Variants in OTOGL observed in about 807,000 individuals in gnomAD.
OTOGL encodes otogelin like, also known as otogelin-like protein.
Under a neutral mutation model 318.5 loss-of-function variants are expected in OTOGL, and 285 were observed. That is an observed-to-expected ratio of 0.89 (90% CI 0.81 to 0.99). OTOGL has a LOEUF of 0.99. Among genes scored for constraint, OTOGL ranks in the 50% least tolerant of loss-of-function variants. The pLI is 0.00. For synonymous variants in OTOGL, 987 were observed against 936.5 expected, an observed-to-expected ratio of 1.05 and a Z score of -0.99; for missense variants, 2,899 against 2,845.6, an observed-to-expected ratio of 1.02 and a Z score of -0.43.
chr12:80,123,338 C>G (rs1870603445), intron 1 of OTOGL, among the ~76,000 whole-genome samples: 2 of 152,122 alleles, frequency 1.3e-5, no homozygotes, highest in African/African-American at 4.8e-5. Flanking sequence ...CCAGCATCAT[C>G]CATGTTTGTA....
chr12:80,200,444 A>G (rs56711037), intron 1 of OTOGL, among the ~76,000 whole-genome samples: 7,646 of 152,316 alleles, frequency 0.05, 631 homozygotes, highest in African/African-American at 0.18. Context: ...TTCATCTTCA[A>G]AGCTATTGTA....
chr12:80,229,164 T>C, intron 7 of OTOGL, 93 bp from the exon 8 acceptor site: 26 of 1,395,738 alleles, frequency 1.9e-5, no homozygotes, highest in Non-Finnish European at 2.5e-5. Context: ...ATGGGACTAA[T>C]GAAACTATAT....
At chr12:80,324,342 A>G (rs1887545704) in intron 35 of OTOGL, among the ~76,000 whole-genome samples, 2 of 152,152 alleles carry the variant, frequency 1.3e-5, no homozygotes, top group Admixed American at 6.5e-5. Context: ...CTTTAATTTG[A>G]GAACAGTGCA....
intron 24 of OTOGL, 135 bp from the exon 25 acceptor site, chr12:80,278,033 C>T (rs1016685490): frequency 1.3e-5 from 8 of 639,492 alleles, no homozygotes; most frequent in Admixed American, 5.6e-5. Context: ...GATTCATCTC[C>T]TCAGTAGGTT....
chr12:80,127,051 G>A (rs7973166), intron 1 of OTOGL, among the ~76,000 whole-genome samples: 81,685 of 151,900 alleles, frequency 0.54, 22,137 homozygotes, highest in Middle Eastern at 0.58. Flanking sequence ...ATTTAAGGTT[G>A]ATATTGTTAT....
At chr12:80,151,995 A>G (rs537244176) in intron 1 of OTOGL, among the ~76,000 whole-genome samples, 1 of 152,298 alleles carries the variant, frequency 6.6e-6, no homozygotes, top group South Asian at 2.1e-4. Flanking sequence ...TTAAGGTCAG[A>G]GAAGTCAAAT....
chr12:80,346,853 G>A (rs373720324), intron 44 of OTOGL, among the ~76,000 whole-genome samples: 2 of 152,196 alleles, frequency 1.3e-5, no homozygotes, highest in African/African-American at 4.8e-5. Context: ...TGCTAAGGGA[G>A]GGTGAGCATT....
chr12:80,300,425 A>G (rs1328289262), intron 27 of OTOGL, among the ~76,000 whole-genome samples: 1 of 152,148 alleles, frequency 6.6e-6, no homozygotes, highest in Non-Finnish European at 1.5e-5. Flanking sequence ...GCATCTGAGA[A>G]TCAATCCAGG....
chr12:80,354,946 A>G (rs1889776067), intron 46 of OTOGL, among the ~76,000 whole-genome samples: 1 of 152,160 alleles, frequency 6.6e-6, no homozygotes, highest in Non-Finnish European at 1.5e-5. Context: ...TTTAGATTTT[A>G]AAGCAGAAAT....
At position 80,196,607 on chromosome 12, in the gene OTOGL, C is replaced by G. The variant is rs540622563; in HGVS notation, c.-19-12806C>G. On this transcript the variant is annotated intron_variant, in intron 1 of 58. Transcript: ENST00000547103. Reference sequence around the variant, plus strand: ...GAGACTGGTTCTTCCACCTGGACATCGTTCCCCGGAGGCATGTTGGTCTCT... The same window carrying G: ...GAGACTGGTTCTTCCACCTGGACATGGTTCCCCGGAGGCATGTTGGTCTCT... 2.4e-4 allele frequency among the ~76,000 whole-genome samples: 37 copies of G among 152,202 alleles called. No individual in the cohort carries two copies. The South Asian group carries it at 6.6e-3, about 27-fold the overall frequency.
intron 55 of OTOGL, 74 bp downstream of exon 55, chr12:80,368,383 T>TCCCC (rs57527553): frequency 3.0e-5 from 21 of 709,438 alleles, no homozygotes; most frequent in African/African-American, 1.0e-4. Flanking sequence ...TTGGAAAATG[T>TCCCC]CCCCCCCCAC....
rs1278226317 is a variant in OTOGL at position 80,358,277 on chromosome 12, C to T, written c.6049C>T (p.Leu2017=). 3 of 1,612,034 alleles carry T rather than the reference C, an allele frequency of 1.9e-6. No individual in the cohort carries two copies. The African/African-American group carries it at 4.0e-5, about 22-fold the overall frequency. The change falls in exon 50 of 59, where the codon CTA becomes TTA. Residue 2017 remains leucine, a synonymous_variant. Coordinates refer to ENST00000547103, the MANE Select transcript of OTOGL (RefSeq NM_001378609.3). ...TGAATCTTGCACCAAACCTGTTCCACTATGTCATGATGGGGAATTTCTCAC... is the reference window on the plus strand; with the variant it reads ...TGAATCTTGCACCAAACCTGTTCCATTATGTCATGATGGGGAATTTCTCAC... ...VCESCTKPVP[L]CHDGEFLTVD...
At chr12:80,333,206 TA>T in intron 38 of OTOGL, 128 bp downstream of exon 38, 1 of 698,790 alleles carries the variant, frequency 1.4e-6, no homozygotes, top group African/African-American at 1.8e-5. Flanking sequence ...TGCTAAAAGA[TA>T]TTAAGAAATA....
At chr12:80,148,016 C>T (rs1000208555) in intron 1 of OTOGL, among the ~76,000 whole-genome samples, 1 of 152,102 alleles carries the variant, frequency 6.6e-6, no homozygotes, top group Non-Finnish European at 1.5e-5. Flanking sequence ...TCCAATTTCC[C>T]AGTCTGTGTC....
chr12:80,294,231 A>ATTG (rs1394943439), intron 26 of OTOGL, among the ~76,000 whole-genome samples: 1 of 152,014 alleles, frequency 6.6e-6, no homozygotes, highest in Non-Finnish European at 1.5e-5. Context: ...GTGTATTGCT[A>ATTG]TTGTTACAAA....
chr12:80,213,927 G>A (rs143208286), intron 4 of OTOGL, among the ~76,000 whole-genome samples: 2 of 152,310 alleles, frequency 1.3e-5, no homozygotes, highest in African/African-American at 4.8e-5. Context: ...GTAGATAAGT[G>A]CGCAAATAAG....
chr12:80,140,820 C>T (rs1025926298), intron 1 of OTOGL, among the ~76,000 whole-genome samples: 4 of 152,130 alleles, frequency 2.6e-5, no homozygotes, highest in Non-Finnish European at 4.4e-5. Context: ...ATGTGAATTT[C>T]TGACTAAGAG....
At chr12:80,114,573 A>G (rs1870044300) in intron 1 of OTOGL, among the ~76,000 whole-genome samples, 1 of 152,018 alleles carries the variant, frequency 6.6e-6, no homozygotes, top group South Asian at 2.1e-4. Context: ...ACCTTGGTGA[A>G]TCTGACAATT....
At chr12:80,309,749 G>A (rs1176294803) in intron 29 of OTOGL, among the ~76,000 whole-genome samples, 2 of 152,140 alleles carry the variant, frequency 1.3e-5, no homozygotes, top group Non-Finnish European at 2.9e-5. Flanking sequence ...GTGGATAGTC[G>A]GGGAAGGACA....
Sources: gnomAD v4.1 joint callset for allele counts (sites outside exome capture counted in the v4.1 genomes callset) on GRCh38, gnomAD v4.1.1 for gene constraint, MANE v1.5 for transcripts, NCBI Gene and HGNC (gene_info 2026-07-23, HGNC 2026-07-21) for gene names.